PREX2: variants seen among roughly 807,000 people sequenced by gnomAD.
PREX2 encodes the protein phosphatidylinositol 3,4,5-trisphosphate-dependent Rac exchanger 2 protein.
In PREX2, 107 loss-of-function variants were observed where a neutral mutation model predicts 203.2. The ratio of observed to expected loss-of-function variants is 0.53; its 90% CI spans 0.45 to 0.62. PREX2 has a LOEUF of 0.62. PREX2 is among the 20% of genes least tolerant of loss of function. PREX2 has a pLI of 0.00. For missense variants in PREX2, 1,777 were observed against 1,955.9 expected, an observed-to-expected ratio of 0.91 and a Z score of 1.72; for synonymous variants, 672 against 663.6, an observed-to-expected ratio of 1.01 and a Z score of -0.19.
At chr8:68,072,628 G>T (rs183611243) in intron 14 of PREX2, 58 bp downstream of exon 14, 201 of 921,026 alleles carry the variant, frequency 2.2e-4, no homozygotes, top group Admixed American at 1.3e-3. Flanking sequence ...AACTCTGAGT[G>T]TGTGAATTAG....
chr8:68,188,570 A>G, intron 35 of PREX2, among the ~76,000 whole-genome samples: 1 of 152,206 alleles, frequency 6.6e-6, no homozygotes, highest in Non-Finnish European at 1.5e-5. Flanking sequence ...TAAAGGAAAA[A>G]GGTTTAATGG....
intron 1 of PREX2, among the ~76,000 whole-genome samples, chr8:67,995,355 T>C (rs1051070161): frequency 3.3e-5 from 5 of 152,186 alleles, no homozygotes; most frequent in Non-Finnish European, 7.4e-5. Context: ...CACTTTAACT[T>C]ACTTTTAAAT....
intron 34 of PREX2, among the ~76,000 whole-genome samples, chr8:68,147,501 C>G (rs1389105663): frequency 6.6e-6 from 1 of 152,088 alleles, no homozygotes; most frequent in Non-Finnish European, 1.5e-5. Flanking sequence ...ATGCACAAGC[C>G]CTCTCCTCTT....
chr8:68,055,805 C>T (rs775846534), intron 9 of PREX2, 25 bp from the exon 10 acceptor site: 10 of 1,602,178 alleles, frequency 6.2e-6, no homozygotes, highest in South Asian at 3.4e-5. Flanking sequence ...TTTCAGTTAC[C>T]TCTCCTTTCT....
At chr8:67,995,808 G>A (rs1806747823) in intron 1 of PREX2, among the ~76,000 whole-genome samples, 1 of 152,128 alleles carries the variant, frequency 6.6e-6, no homozygotes, top group Non-Finnish European at 1.5e-5. Context: ...ATGAGTCTTT[G>A]GGTTGACATA....
At chr8:68,210,962 CAA>C (rs1261137529) in intron 37 of PREX2, among the ~76,000 whole-genome samples, 1 of 152,114 alleles carries the variant, frequency 6.6e-6, no homozygotes, top group Non-Finnish European at 1.5e-5. Flanking sequence ...GGTTGAAATA[CAA>C]TATTTTGCAT....
intron 35 of PREX2, among the ~76,000 whole-genome samples, chr8:68,173,403 T>G (rs1811917383): frequency 6.6e-6 from 1 of 152,124 alleles, no homozygotes; most frequent in Non-Finnish European, 1.5e-5. Flanking sequence ...TTGAAAACAA[T>G]ATATATCGTC....
At position 68,157,324 on chromosome 8, in the gene PREX2, C is replaced by A; in HGVS notation, c.4234C>A (p.Leu1412Ile). The A allele has an allele frequency of 6.4e-7, 1 of 1,570,588 alleles. No homozygotes were observed. Among genetic ancestry groups the A allele is most frequent in the East Asian group, 2.2e-5 (1 of 44,500 alleles). The change falls in exon 35 of 40, where the codon CTA (leucine) becomes ATA (isoleucine). Residue 1412 changes from leucine (L) to isoleucine (I), a missense_variant and splice_region_variant. Leu to Ile is a conservative substitution (Grantham distance 5). Coordinates refer to ENST00000288368, the MANE Select transcript of PREX2 (RefSeq NM_024870.4). ...KIHPVLFAQA[L>I]ESMEGYYYRD... ...AATATGTTTACTTGTTTACACAGCA[C>A]TAGAGAGCATGGAAGGATATTATTA...
intron 19 of PREX2, among the ~76,000 whole-genome samples, chr8:68,090,371 G>A (rs1044418702): frequency 1.3e-5 from 2 of 152,144 alleles, no homozygotes; most frequent in Admixed American, 6.5e-5. Context: ...TTAGGGAGGT[G>A]AGAAATATTC....
chr8:68,011,536 T>C lies in PREX2; in HGVS notation c.142-6310T>C, dbSNP rs6989641. ...TGACTGTGGCAAAATGAAGGGAACATGTGGCTTCTTCAGCTCTAACTTACT... is the reference window on the plus strand; with the variant it reads ...TGACTGTGGCAAAATGAAGGGAACACGTGGCTTCTTCAGCTCTAACTTACT... On this transcript the variant is annotated intron_variant, in intron 1 of 39. Transcript: ENST00000288368. 3.4e-3 allele frequency among the ~76,000 whole-genome samples: 515 copies of C among 152,248 alleles called. 7 individuals are homozygous for C. Among genetic ancestry groups the C allele is most frequent in the Middle Eastern group, 0.014 (4 of 294 alleles).
chr8:68,042,326 A>G (rs187084993), intron 7 of PREX2, among the ~76,000 whole-genome samples: 73 of 152,190 alleles, frequency 4.8e-4, no homozygotes, highest in Admixed American at 7.9e-4. Flanking sequence ...TAGTTTTTTA[A>G]AAAGTTATGA....
chr8:68,201,291 A>G (rs1237285557), intron 37 of PREX2, among the ~76,000 whole-genome samples: 1 of 152,124 alleles, frequency 6.6e-6, no homozygotes, highest in Non-Finnish European at 1.5e-5. Flanking sequence ...TTAAGAGAGC[A>G]GGAGAGCAGG....
At chr8:68,031,082 T>G (rs1807869910) in intron 6 of PREX2, among the ~76,000 whole-genome samples, 1 of 152,158 alleles carries the variant, frequency 6.6e-6, no homozygotes, top group Admixed American at 6.6e-5. Flanking sequence ...TGTTTTGATT[T>G]CTTCATTTAT....
intron 11 of PREX2, among the ~76,000 whole-genome samples, chr8:68,061,450 G>A (rs1009324240): frequency 6.6e-6 from 1 of 152,222 alleles, no homozygotes; most frequent in Non-Finnish European, 1.5e-5. Flanking sequence ...CTGAAGTGGA[G>A]AGGTTCAAGA....
chr8:68,168,029 A>G (rs917395604), intron 35 of PREX2, among the ~76,000 whole-genome samples: 1 of 152,244 alleles, frequency 6.6e-6, no homozygotes, highest in African/African-American at 2.4e-5. Context: ...CCCTTGGCCA[A>G]AATGAATATC....
chr8:68,083,457 T>C, intron 18 of PREX2, 69 bp downstream of exon 18: 1 of 1,207,308 alleles, frequency 8.3e-7, no homozygotes, highest in Non-Finnish European at 1.2e-6. Context: ...AAAAGATAAC[T>C]AAGTAAATGC....
At chr8:68,045,139 A>G (rs1386018706) in intron 8 of PREX2, among the ~76,000 whole-genome samples, 1 of 152,044 alleles carries the variant, frequency 6.6e-6, no homozygotes, top group African/African-American at 2.4e-5. Flanking sequence ...CATAGATTTG[A>G]AAGTGTGGGA....
chr8:68,215,076 A>G (rs2129615238), intron 37 of PREX2, among the ~76,000 whole-genome samples: 1 of 152,330 alleles, frequency 6.6e-6, no homozygotes, highest in African/African-American at 2.4e-5. Context: ...ACTTGGAGGT[A>G]TCCTTTCAGA....
intron 35 of PREX2, among the ~76,000 whole-genome samples, chr8:68,183,861 T>G (rs747298535): frequency 5.9e-5 from 9 of 152,064 alleles, no homozygotes; most frequent in Admixed American, 1.3e-4. Context: ...TATGGTAAAG[T>G]CTTACTTTCT....
Sources: gnomAD v4.1 joint callset for allele counts (sites outside exome capture counted in the v4.1 genomes callset) on GRCh38, gnomAD v4.1.1 for gene constraint, MANE v1.5 for transcripts, NCBI Gene and HGNC (gene_info 2026-07-23, HGNC 2026-07-21) for gene names.